BMPR2: variants seen among roughly 807,000 people sequenced by gnomAD.
The protein encoded by BMPR2 is bone morphogenetic protein receptor type-2.
In BMPR2, 29 loss-of-function variants were observed where a neutral mutation model predicts 100.8. The observed-to-expected ratio is 0.29, with a 90% CI of 0.21 to 0.39. The LOEUF (loss-of-function observed/expected upper bound fraction) is 0.39, where lower values mean the gene tolerates loss of function less well. Among genes scored for constraint, BMPR2 ranks in the 10% least tolerant of loss-of-function variants. BMPR2 has a pLI of 1.00. For synonymous variants in BMPR2, 382 were observed against 442.3 expected, an observed-to-expected ratio of 0.86 and a Z score of 1.71; for missense variants, 1,011 against 1,274.5, an observed-to-expected ratio of 0.79 and a Z score of 3.15.
intron 1 of BMPR2, among the ~76,000 whole-genome samples, chr2:202,462,933 G>A (rs1251709321): frequency 2.6e-5 from 4 of 152,068 alleles, no homozygotes; most frequent in South Asian, 2.1e-4. Context: ...GGCTGGTCTC[G>A]AATGCTGACA....
chr2:202,484,928 C>T (rs1190032496), intron 3 of BMPR2, among the ~76,000 whole-genome samples: 1 of 141,998 alleles, frequency 7.0e-6, no homozygotes, highest in Non-Finnish European at 1.5e-5. Context: ...GAAATCGTGC[C>T]ACTGCACTCC....
At chr2:202,544,761 C>CT (rs56654364) in intron 10 of BMPR2, among the ~76,000 whole-genome samples, 9,192 of 82,604 alleles carry the variant, frequency 0.11, 637 homozygotes, top group East Asian at 0.43. Context: ...CTTTTTCTTT[C>CT]TTTTTTTTTT....
At chr2:202,395,565 G>A (rs112529457) in intron 1 of BMPR2, among the ~76,000 whole-genome samples, 2,724 of 152,312 alleles carry the variant, frequency 0.018, 40 homozygotes, top group Middle Eastern at 0.041. Flanking sequence ...TTTGGAGTAA[G>A]ATATACAGAA....
At chr2:202,416,207 C>T (rs1691121451) in intron 1 of BMPR2, among the ~76,000 whole-genome samples, 1 of 151,722 alleles carries the variant, frequency 6.6e-6, no homozygotes, top group African/African-American at 2.4e-5. Flanking sequence ...GAAGTTGAAC[C>T]TGAAGATGTG....
At chr2:202,532,000 C>T (rs1213091758) in intron 8 of BMPR2, among the ~76,000 whole-genome samples, 9 of 122,696 alleles carry the variant, frequency 7.3e-5, no homozygotes, top group Admixed American at 1.1e-4. Context: ...AGTGCAGTGG[C>T]GCGATCATGG....
chr2:202,484,146 T>C (rs1358116044), intron 3 of BMPR2, among the ~76,000 whole-genome samples: 8 of 152,220 alleles, frequency 5.3e-5, no homozygotes, highest in Admixed American at 2.0e-4. Flanking sequence ...TTTTAAGCTA[T>C]GGTAAAGTCA....
intron 1 of BMPR2, among the ~76,000 whole-genome samples, chr2:202,413,404 A>G (rs1011554026): frequency 1.3e-5 from 2 of 152,362 alleles, no homozygotes; most frequent in East Asian, 1.9e-4. Context: ...CAGTGCATCA[A>G]CAAAATATAT....
chr2:202,479,410 A>G (rs1692616034), intron 3 of BMPR2, among the ~76,000 whole-genome samples: 1 of 151,312 alleles, frequency 6.6e-6, no homozygotes, highest in African/African-American at 2.5e-5. Context: ...GAGCACTTAT[A>G]TAAACAGTAT....
chr2:202,535,136 A>AC (rs545117492), intron 9 of BMPR2, among the ~76,000 whole-genome samples: 1,358 of 90,828 alleles, frequency 0.015, 152 homozygotes, highest in African/African-American at 0.064. Context: ...CGGGGGGCTG[A>AC]CCCCCCCACC....
intron 10 of BMPR2, among the ~76,000 whole-genome samples, chr2:202,547,147 T>G (rs894282929): frequency 6.6e-6 from 1 of 152,186 alleles, no homozygotes; most frequent in African/African-American, 2.4e-5. Context: ...CCACGTTTAT[T>G]TTAAAGTAGC....
intron 3 of BMPR2, chr2:202,505,465 C>T (rs1228625414): frequency 6.6e-6 from 1 of 152,002 alleles, no homozygotes; most frequent in Non-Finnish European, 1.5e-5. Context: ...AAGCAACCCT[C>T]CCAACTCAGC....
At chr2:202,394,726 A>G (rs1047377003) in intron 1 of BMPR2, among the ~76,000 whole-genome samples, 1 of 152,026 alleles carries the variant, frequency 6.6e-6, no homozygotes, top group African/African-American at 2.4e-5. Flanking sequence ...CCTGATTCTT[A>G]TATCAGCTTT....
rs1440499527 is a variant in BMPR2, at chr2:202,561,742, C to T, written c.*1796C>T. On this transcript the variant is annotated 3_prime_UTR_variant, in exon 13 of 13. Transcript: ENST00000374580. ...CTTAGCTAAAGACAGCCTAAATTTC[C>T]CAATTTTCTGTCCAAAATATTTGTG... 1 of 152,080 alleles carries T rather than the reference C, an allele frequency of 6.6e-6. No homozygotes were observed. Among genetic ancestry groups the T allele is most frequent in the Non-Finnish European group, 1.5e-5 (1 of 67,968 alleles). 9.4% of individuals were successfully genotyped at this position (152,080 alleles called of 1,614,324 possible).
intron 3 of BMPR2, among the ~76,000 whole-genome samples, chr2:202,497,564 G>A (rs894223999): frequency 6.6e-6 from 1 of 152,118 alleles, no homozygotes; most frequent in African/African-American, 2.4e-5. Context: ...CTGAGTCAAG[G>A]GTCGACAAAG....
chr2:202,478,903 G>T (rs1220195905), intron 3 of BMPR2, among the ~76,000 whole-genome samples: 1 of 152,062 alleles, frequency 6.6e-6, no homozygotes, highest in East Asian at 1.9e-4. Context: ...TCCAGCCTGG[G>T]TGACAGACCG....
Position 202,565,740 on chromosome 2 carries a change from A to G in BMPR2, c.*5794A>G, listed in dbSNP as rs547001641. 2.0e-5 allele frequency: 3 copies of G among 152,472 alleles called. No homozygotes were observed. The South Asian group carries it at 6.2e-4, about 32-fold the overall frequency. 9.4% of individuals were successfully genotyped at this position (152,472 alleles called of 1,614,324 possible). A position where few individuals can be genotyped will look rare whatever the true frequency, so the allele number is the denominator to read the frequency against. On this transcript the variant is annotated 3_prime_UTR_variant, in exon 13 of 13. Coordinates refer to ENST00000374580, the MANE Select transcript of BMPR2 (RefSeq NM_001204.7). ...CATTAATCAGGTATTATCTATGGACATTTTTGTAGACCACTTTTGAAATAC... is the reference window on the plus strand; with the variant it reads ...CATTAATCAGGTATTATCTATGGACGTTTTTGTAGACCACTTTTGAAATAC...
At chr2:202,404,054 T>C (rs1690828495) in intron 1 of BMPR2, among the ~76,000 whole-genome samples, 1 of 152,058 alleles carries the variant, frequency 6.6e-6, no homozygotes. Context: ...TTTCTATATT[T>C]TATATTTCTA....
At chr2:202,550,947 C>CTTTTT (rs34364158) in intron 10 of BMPR2, among the ~76,000 whole-genome samples, 2 of 68,310 alleles carry the variant, frequency 2.9e-5, no homozygotes, top group Non-Finnish European at 5.2e-5. Context: ...AGCATATCAG[C>CTTTTT]TTTTTTTTTT....
rs1691657861 is a variant in BMPR2, at chr2:202,438,300, C to T, written c.77-26509C>T. Among the ~76,000 whole-genome samples, 2 of 150,092 alleles carry T rather than the reference C, an allele frequency of 1.3e-5. 1 individual carries two copies. Among genetic ancestry groups the T allele is most frequent in the African/African-American group, 5.0e-5 (2 of 39,616 alleles). ...TGCACTCCAGCCTGGGCAACAAGAG[C>T]GAAACTCCGTCTCAAATAAATAAAT... is the stretch of plus-strand genomic sequence containing the variant. On this transcript the variant is annotated intron_variant, in intron 1 of 12. Transcript: ENST00000374580.
Sources: gnomAD v4.1 joint callset for allele counts (sites outside exome capture counted in the v4.1 genomes callset) on GRCh38, gnomAD v4.1.1 for gene constraint, MANE v1.5 for transcripts, NCBI Gene and HGNC (gene_info 2026-07-23, HGNC 2026-07-21) for gene names.